The following HS3ST4 variants were observed in gnomAD, a reference collection of about 807,000 sequenced individuals.
HS3ST4 encodes heparan sulfate glucosamine 3-O-sulfotransferase 4.
A neutral mutation model predicts 29.2 loss-of-function variants in HS3ST4; 17 were observed. The observed-to-expected ratio is 0.58, with a 90% CI of 0.40 to 0.87. HS3ST4 has a LOEUF of 0.87. HS3ST4 is among the 40% of genes least tolerant of loss of function. The pLI is 0.00. For synonymous variants in HS3ST4, 314 were observed against 285.7 expected (o/e 1.10, Z -1.00); for missense variants, 627 against 634.5 (o/e 0.99, Z 0.13).
chr16:25,998,580 T>G (rs1438469950), intron 1 of HS3ST4, among the ~76,000 whole-genome samples: 1 of 152,186 alleles, frequency 6.6e-6, no homozygotes, highest in East Asian at 1.9e-4. Context: ...CCATTCTTGA[T>G]CTTGTCATTT....
At chr16:26,011,777 T>C (rs1023538281) in intron 1 of HS3ST4, among the ~76,000 whole-genome samples, 8 of 151,652 alleles carry the variant, frequency 5.3e-5, no homozygotes, top group African/African-American at 1.9e-4. Context: ...GAAGACACTG[T>C]TGTGGTTATA....
At chr16:25,863,275 G>C (rs1967657533) in intron 1 of HS3ST4, among the ~76,000 whole-genome samples, 1 of 152,036 alleles carries the variant, frequency 6.6e-6, no homozygotes, top group Non-Finnish European at 1.5e-5. Context: ...GTAGAGCGGG[G>C]TTTCACCATG....
intron 1 of HS3ST4, among the ~76,000 whole-genome samples, chr16:25,699,223 G>T (rs1055518431): frequency 3.3e-5 from 5 of 152,198 alleles, no homozygotes; most frequent in African/African-American, 1.2e-4. Flanking sequence ...GCAGTGGCCA[G>T]AATCGTGGCT....
chr16:25,932,180 G>A (rs945006667), intron 1 of HS3ST4, among the ~76,000 whole-genome samples: 1 of 152,036 alleles, frequency 6.6e-6, no homozygotes, highest in African/African-American at 2.4e-5. Flanking sequence ...TGGGTGTTGT[G>A]GCAGGTGCCT....
intron 1 of HS3ST4, among the ~76,000 whole-genome samples, chr16:26,131,065 C>G (rs1899412056): frequency 6.6e-6 from 1 of 152,218 alleles, no homozygotes; most frequent in African/African-American, 2.4e-5. Context: ...TGATGCTTCT[C>G]TTTCTCTTGC....
intron 1 of HS3ST4, among the ~76,000 whole-genome samples, chr16:25,975,601 C>G (rs1414366169): frequency 6.6e-6 from 1 of 152,166 alleles, no homozygotes; most frequent in Non-Finnish European, 1.5e-5. Context: ...TGACGTCTTT[C>G]CATCATAACC....
intron 1 of HS3ST4, among the ~76,000 whole-genome samples, chr16:25,892,571 C>G (rs1968020652): frequency 6.6e-6 from 1 of 152,158 alleles, no homozygotes; most frequent in Non-Finnish European, 1.5e-5. Flanking sequence ...TTGGGCTCCA[C>G]TGCCTGGTAT....
At chr16:25,904,729 C>T (rs1466974439) in intron 1 of HS3ST4, among the ~76,000 whole-genome samples, 1 of 152,116 alleles carries the variant, frequency 6.6e-6, no homozygotes, top group Non-Finnish European at 1.5e-5. Context: ...CAGTTAGTAA[C>T]TGTGCATCTC....
chr16:25,957,067 T>G (rs1467036977), intron 1 of HS3ST4, among the ~76,000 whole-genome samples: 1 of 149,576 alleles, frequency 6.7e-6, no homozygotes, highest in Non-Finnish European at 1.5e-5. Context: ...AGGAGGCTAC[T>G]ACAATATTTC....
intron 1 of HS3ST4, among the ~76,000 whole-genome samples, chr16:25,750,053 C>G (rs916742562): frequency 5.9e-5 from 9 of 152,190 alleles, no homozygotes; most frequent in African/African-American, 2.2e-4. Flanking sequence ...GGTTGTTTCC[C>G]TCCATGGTAT....
At chr16:25,986,148 T>C (rs537105949) in intron 1 of HS3ST4, among the ~76,000 whole-genome samples, 1 of 152,348 alleles carries the variant, frequency 6.6e-6, no homozygotes, top group South Asian at 2.1e-4. Context: ...CCTTCTAATT[T>C]ATTTTTCTCA....
chr16:26,115,268 C>CATATATAT (rs1899187541), intron 1 of HS3ST4, among the ~76,000 whole-genome samples: 2 of 132,480 alleles, frequency 1.5e-5, no homozygotes, highest in Non-Finnish European at 3.5e-5. Context: ...CATATATATA[C>CATATATAT]ACACACACAC....
At chr16:25,827,772 A>G (rs1967235243) in intron 1 of HS3ST4, among the ~76,000 whole-genome samples, 1 of 152,122 alleles carries the variant, frequency 6.6e-6, no homozygotes, top group Non-Finnish European at 1.5e-5. Context: ...TCAAGAGTCA[A>G]TCTGGCCTAC....
chr16:25,978,411 G>C (rs1968966644), intron 1 of HS3ST4, among the ~76,000 whole-genome samples: 1 of 152,254 alleles, frequency 6.6e-6, no homozygotes, highest in Non-Finnish European at 1.5e-5. Flanking sequence ...GTGGAAAATA[G>C]CCATAGACAA....
rs548507146 is a variant in HS3ST4, at chr16:25,853,298, G to T, written c.734+160147G>T. 2.6e-4 allele frequency among the ~76,000 whole-genome samples: 19 copies of T among 72,794 alleles called. No homozygotes were observed. In the Admixed American group the frequency reaches 2.8e-3, roughly 11 times the overall value. 47.8% of individuals were successfully genotyped at this position (72,794 alleles called of 152,430 possible). A position where few individuals can be genotyped will look rare whatever the true frequency, so the allele number is the denominator to read the frequency against. On this transcript the variant is annotated intron_variant, in intron 1 of 1. Transcript: ENST00000331351. ...GATTTTTGGTGAAATCTTTGTGAGT[G>T]TGTGTGTGTGTGTGTATATATATAT...
chr16:25,826,410 A>G (rs1054974293), intron 1 of HS3ST4: 2 of 152,200 alleles, frequency 1.3e-5, no homozygotes, highest in Non-Finnish European at 2.9e-5. Flanking sequence ...GAGAGACACA[A>G]TTCAGTCCAT....
chr16:26,101,695 G>A (rs1345056757), intron 1 of HS3ST4, among the ~76,000 whole-genome samples: 1 of 152,150 alleles, frequency 6.6e-6, no homozygotes, highest in Non-Finnish European at 1.5e-5. Flanking sequence ...TGAAAGAATG[G>A]ATGAATGAAT....
At chr16:25,859,043 C>T (rs1001804438) in intron 1 of HS3ST4, among the ~76,000 whole-genome samples, 4 of 152,140 alleles carry the variant, frequency 2.6e-5, no homozygotes, top group Non-Finnish European at 5.9e-5. Flanking sequence ...TCCCACCCCA[C>T]ACGTCCTTGG....
chr16:25,972,158 G>A (rs1264081619), intron 1 of HS3ST4, among the ~76,000 whole-genome samples: 1 of 152,222 alleles, frequency 6.6e-6, no homozygotes, highest in Non-Finnish European at 1.5e-5. Context: ...ACAGGTGGTT[G>A]TAGTAGCTAT....
Sources: allele counts gnomAD v4.1 joint callset (sites outside exome capture counted in the v4.1 genomes callset), GRCh38; gene constraint gnomAD v4.1.1; transcripts MANE v1.5; gene names NCBI Gene and HGNC (gene_info 2026-07-23, HGNC 2026-07-21).